MTA3: variants seen among roughly 807,000 people sequenced by gnomAD.
MTA3 encodes metastasis-associated protein MTA3.
Under a neutral mutation model 83.5 loss-of-function variants are expected in MTA3, and 34 were observed. That is an observed-to-expected ratio of 0.41 (90% CI 0.31 to 0.54). The LOEUF (loss-of-function observed/expected upper bound fraction) is 0.54, where lower values mean the gene tolerates loss of function less well. Among genes scored for constraint, MTA3 ranks in the 20% least tolerant of loss-of-function variants. MTA3 has a pLI of 0.33. For missense variants in MTA3, 761 were observed against 726.4 expected, an observed-to-expected ratio of 1.05 and a Z score of -0.55; for synonymous variants, 303 against 252.7, an observed-to-expected ratio of 1.20 and a Z score of -1.89.
At position 42,752,193 on chromosome 2, in the gene MTA3, A is replaced by T. The variant is rs1360170954; in HGVS notation, c.1760-1181A>T. Reference sequence around the variant, plus strand: ...TTTAACACATACTTGCTGAGCTCATATCAAATACCAAGCTGGGTACAGGTA... The same window carrying T: ...TTTAACACATACTTGCTGAGCTCATTTCAAATACCAAGCTGGGTACAGGTA... On this transcript the variant is annotated intron_variant, in intron 16 of 16. Coordinates refer to ENST00000405094, the MANE Select transcript of MTA3 (RefSeq NM_001330442.2). 8.5e-6 allele frequency: 4 copies of T among 471,350 alleles called. No individual in the cohort carries two copies. In the East Asian group the frequency reaches 2.8e-4, roughly 33 times the overall value. 29.2% of individuals were successfully genotyped at this position (471,350 alleles called of 1,614,324 possible).
intron 3 of MTA3, among the ~76,000 whole-genome samples, chr2:42,594,973 T>G (rs946811558): frequency 3.4e-5 from 5 of 149,148 alleles, no homozygotes; most frequent in African/African-American, 1.2e-4. Context: ...CAGGATGGTC[T>G]TGATCTCCTG....
chr2:42,566,553 G>C (rs1449802346), upstream of MTA3, among the ~76,000 whole-genome samples: 2 of 152,118 alleles, frequency 1.3e-5, no homozygotes, highest in African/African-American at 2.4e-5. Flanking sequence ...TCAAGTCTTT[G>C]AGGCCTTTCA....
chr2:42,533,621 T>C (rs1199784812), intron 2 of MTA3, among the ~76,000 whole-genome samples: 8 of 147,848 alleles, frequency 5.4e-5, no homozygotes, highest in East Asian at 4.1e-4. Flanking sequence ...ATCACGAGGT[T>C]AGGAGATCGA....
intron 1 of MTA3, 132 bp downstream of exon 1, chr2:42,568,905 C>A: frequency 2.2e-6 from 2 of 914,870 alleles, no homozygotes; most frequent in Non-Finnish European, 2.8e-6. Context: ...GGCGCCGGGG[C>A]CCGCAGAGGG....
chr2:42,710,791 G>T (rs942419924), intron 14 of MTA3, among the ~76,000 whole-genome samples: 6 of 152,066 alleles, frequency 3.9e-5, no homozygotes, highest in African/African-American at 1.2e-4. Flanking sequence ...TAAATAAAAT[G>T]GTGAAGACCA....
Position 42,627,673 on chromosome 2 carries a change from C to G in MTA3, c.318-12500C>G, listed in dbSNP as rs150319706. Among the ~76,000 whole-genome samples the G allele has an allele frequency of 1.4e-3, 206 of 151,796 alleles. 2 individuals carry two copies. The highest frequency in any genetic ancestry group is 4.8e-3 in the African/African-American group (199 of 41,366). On this transcript the variant is annotated intron_variant, in intron 4 of 16. Transcript: ENST00000405094. Reference sequence around the variant, plus strand: ...CCACCTCAGGAGTTCAAGTGATCCTCCTGCCTCAGCCTCCCAAGTAGCTGG... The same window carrying G: ...CCACCTCAGGAGTTCAAGTGATCCTGCTGCCTCAGCCTCCCAAGTAGCTGG...
intron 9 of MTA3, among the ~76,000 whole-genome samples, chr2:42,693,520 C>T (rs896227608): frequency 6.6e-6 from 1 of 152,326 alleles, no homozygotes; most frequent in South Asian, 2.1e-4. Flanking sequence ...GACACCAACA[C>T]CCAGCCACTA....
intron 2 of MTA3, among the ~76,000 whole-genome samples, chr2:42,577,102 A>AAAAAAG: frequency 1.3e-5 from 1 of 74,204 alleles, no homozygotes; most frequent in Non-Finnish European, 2.6e-5. Flanking sequence ...AAAAAAAAAA[A>AAAAAAG]AAAATATATA....
intron 4 of MTA3, among the ~76,000 whole-genome samples, chr2:42,637,070 C>G (rs1687276049): frequency 6.6e-6 from 1 of 152,210 alleles, no homozygotes; most frequent in African/African-American, 2.4e-5. Context: ...TCAGCGCCTG[C>G]TGTTGAACGT....
At chr2:42,611,519 G>T (rs1157399796) in intron 4 of MTA3, among the ~76,000 whole-genome samples, 1 of 152,070 alleles carries the variant, frequency 6.6e-6, no homozygotes, top group Non-Finnish European at 1.5e-5. Flanking sequence ...TCATGTCATT[G>T]TTTTTATTTG....
chr2:42,651,189 T>C (rs998799237), intron 6 of MTA3, among the ~76,000 whole-genome samples: 2 of 152,228 alleles, frequency 1.3e-5, no homozygotes, highest in African/African-American at 2.4e-5. Context: ...GTGCACCCAC[T>C]GTGTAGGGCA....
intron 2 of MTA3, among the ~76,000 whole-genome samples, chr2:42,577,103 A>ATATAT (rs751491575): frequency 2.0e-4 from 15 of 73,556 alleles, no homozygotes; most frequent in African/African-American, 8.3e-4. Context: ...AAAAAAAAAA[A>ATATAT]AAATATATAT....
At chr2:42,692,561 A>G (rs1055527462) in intron 9 of MTA3, among the ~76,000 whole-genome samples, 59 of 152,150 alleles carry the variant, frequency 3.9e-4, no homozygotes, top group African/African-American at 1.4e-3. Context: ...AGTAGCTGCA[A>G]TTACAGACAT....
At chr2:42,503,731 C>T (rs938742276) in intron 2 of MTA3, among the ~76,000 whole-genome samples, 1 of 152,044 alleles carries the variant, frequency 6.6e-6, no homozygotes, top group Non-Finnish European at 1.5e-5. Flanking sequence ...GCCTCAAAGC[C>T]AGGTGTGGTA....
chr2:42,749,340 G>C (rs935078795), intron 16 of MTA3, among the ~76,000 whole-genome samples: 2 of 152,186 alleles, frequency 1.3e-5, no homozygotes, highest in African/African-American at 4.8e-5. Flanking sequence ...ACACTTAAGA[G>C]TGGCTCTCAC....
intron 8 of MTA3, among the ~76,000 whole-genome samples, chr2:42,669,052 G>C (rs544045274): frequency 7.3e-4 from 110 of 151,498 alleles, no homozygotes; most frequent in African/African-American, 2.3e-3. Context: ...GGGAATTGAG[G>C]ATAGTTTAGA....
chr2:42,637,892 A>G (rs1687338385), intron 4 of MTA3, among the ~76,000 whole-genome samples: 1 of 152,110 alleles, frequency 6.6e-6, no homozygotes, highest in South Asian at 2.1e-4. Context: ...AGTATGCTAT[A>G]TTGTTTGTTT....
At chr2:42,709,348 T>G in intron 14 of MTA3, 1 of 1,275,028 alleles carries the variant, frequency 7.8e-7, no homozygotes, top group Non-Finnish European at 1.0e-6. Context: ...AAAAGATTGG[T>G]GGGAGGTGAT....
intron 7 of MTA3, among the ~76,000 whole-genome samples, chr2:42,657,264 C>A (rs149057200): frequency 6.6e-6 from 1 of 152,152 alleles, no homozygotes; most frequent in Non-Finnish European, 1.5e-5. Context: ...AGTCTTGGCT[C>A]ATCCTTAGAT....
Sources: allele counts gnomAD v4.1 joint callset (sites outside exome capture counted in the v4.1 genomes callset), GRCh38; gene constraint gnomAD v4.1.1; transcripts MANE v1.5; gene names NCBI Gene and HGNC (gene_info 2026-07-23, HGNC 2026-07-21).